NEDD4L: variants seen among roughly 807,000 people sequenced by gnomAD.
NEDD4L encodes NEDD4 like E3 ubiquitin protein ligase, also known as E3 ubiquitin-protein ligase NEDD4-like.
Under a neutral mutation model 148.9 loss-of-function variants are expected in NEDD4L, and 54 were observed. The ratio of observed to expected loss-of-function variants is 0.36; its 90% CI spans 0.29 to 0.45. The LOEUF is 0.45. NEDD4L is among the 20% of genes least tolerant of loss of function. The probability of loss-of-function intolerance (pLI) is 1.00; values close to 1 mark genes in which losing one functional copy is unlikely to be tolerated. For missense variants in NEDD4L, 856 were observed against 1,233.8 expected (o/e 0.69, Z 4.59); for synonymous variants, 433 against 440.7 (o/e 0.98, Z 0.22).
chr18:58,386,352 T>C (rs2049023474), intron 26 of NEDD4L, among the ~76,000 whole-genome samples: 1 of 152,138 alleles, frequency 6.6e-6, no homozygotes, highest in Admixed American at 6.5e-5. Flanking sequence ...CGCCCAGCCA[T>C]GGACATTTTT....
chr18:58,226,696 C>T (rs923401554), intron 2 of NEDD4L, among the ~76,000 whole-genome samples: 3 of 152,194 alleles, frequency 2.0e-5, no homozygotes, highest in African/African-American at 2.4e-5. Flanking sequence ...CTAATAGCCT[C>T]GGCTCACCAA....
At chr18:58,051,202 G>A (rs2081853785) in intron 1 of NEDD4L, among the ~76,000 whole-genome samples, 1 of 152,126 alleles carries the variant, frequency 6.6e-6, no homozygotes, top group Admixed American at 6.5e-5. Flanking sequence ...AGGCTGCAGT[G>A]AGCCATGATC....
intron 2 of NEDD4L, among the ~76,000 whole-genome samples, chr18:58,228,870 G>A (rs1039033806): frequency 3.3e-5 from 5 of 152,208 alleles, no homozygotes; most frequent in Non-Finnish European, 7.3e-5. Context: ...TCCACACTTG[G>A]AATTCTTTGC....
intron 2 of NEDD4L, among the ~76,000 whole-genome samples, chr18:58,223,195 A>G (rs1156255323): frequency 6.6e-6 from 1 of 152,210 alleles, no homozygotes; most frequent in African/African-American, 2.4e-5. Flanking sequence ...TACAGATGTT[A>G]TGCCTTAACC....
At chr18:58,206,187 G>A (rs150025991) in intron 2 of NEDD4L, among the ~76,000 whole-genome samples, 3,507 of 152,142 alleles carry the variant, frequency 0.023, 128 homozygotes, top group East Asian at 0.13. Flanking sequence ...TCAGGAGTTC[G>A]GGACCAGCCT....
intron 2 of NEDD4L, among the ~76,000 whole-genome samples, chr18:58,242,077 G>A (rs1016493597): frequency 3.3e-5 from 5 of 152,090 alleles, no homozygotes; most frequent in African/African-American, 4.8e-5. Flanking sequence ...CCCAGATCCC[G>A]TGGGACCTCC....
intron 2 of NEDD4L, among the ~76,000 whole-genome samples, chr18:58,178,471 A>G (rs1474934187): frequency 1.3e-5 from 2 of 152,384 alleles, no homozygotes; most frequent in East Asian, 3.9e-4. Context: ...CATGAAAAAT[A>G]ATGATGAATT....
chr18:58,314,880 C>A (rs1459353362), intron 5 of NEDD4L, among the ~76,000 whole-genome samples: 1 of 152,184 alleles, frequency 6.6e-6, no homozygotes. Flanking sequence ...CAATAAATCT[C>A]ATTCATATTT....
chr18:58,304,900 G>T (rs995088501), intron 5 of NEDD4L, among the ~76,000 whole-genome samples: 2 of 152,208 alleles, frequency 1.3e-5, no homozygotes, highest in African/African-American at 4.8e-5. Flanking sequence ...AATGGGATTT[G>T]TCTTTTTAGC....
intron 2 of NEDD4L, among the ~76,000 whole-genome samples, chr18:58,180,016 A>C (rs1299072949): frequency 2.0e-5 from 3 of 152,134 alleles, no homozygotes; most frequent in Admixed American, 6.5e-5. Flanking sequence ...CTCCTCAAGC[A>C]GCGTCCATAT....
At chr18:58,103,109 C>T (rs999198310) in intron 1 of NEDD4L, among the ~76,000 whole-genome samples, 5 of 151,950 alleles carry the variant, frequency 3.3e-5, no homozygotes, top group African/African-American at 1.2e-4. Flanking sequence ...GTAGAATGGA[C>T]AGGAGACTGA....
At position 58,256,813 on chromosome 18, in the gene NEDD4L, A is replaced by G. The variant is rs919260417; in HGVS notation, c.297+4759A>G. ...GTGTTTACATGTGTTTACTGATTTC[A>G]ACTTCGATGCTTACTCTGCGGCGTA... On this transcript the variant is annotated intron_variant, in intron 5 of 30. Transcript: ENST00000400345. The surrounding 1 kb of genome is among the most constrained non-coding windows in gnomAD (Gnocchi z 5.2). 3 of 1,228,372 alleles carry G rather than the reference A, an allele frequency of 2.4e-6. No individual in the cohort carries two copies. The highest frequency in any genetic ancestry group is 3.1e-5 in the African/African-American group (2 of 64,344). 76.1% of individuals were successfully genotyped at this position (1,228,372 alleles called of 1,614,324 possible).
chr18:58,299,236 G>A (rs1045371034), intron 5 of NEDD4L, among the ~76,000 whole-genome samples: 4 of 152,190 alleles, frequency 2.6e-5, no homozygotes, highest in African/African-American at 4.8e-5. Context: ...CATGATAAGC[G>A]ATTTGAGAAG....
At chr18:58,252,260 T>C (rs2048025424) in intron 5 of NEDD4L, among the ~76,000 whole-genome samples, 1 of 152,226 alleles carries the variant, frequency 6.6e-6, no homozygotes, top group South Asian at 2.1e-4. Flanking sequence ...TATTTGTATG[T>C]GTGTGTATTT....
At chr18:58,060,933 A>G (rs1022882765) in intron 1 of NEDD4L, among the ~76,000 whole-genome samples, 2 of 151,956 alleles carry the variant, frequency 1.3e-5, no homozygotes, top group Non-Finnish European at 2.9e-5. Context: ...TAATTGTTGT[A>G]TTTTTTAGTA....
intron 6 of NEDD4L, among the ~76,000 whole-genome samples, chr18:58,319,091 G>C (rs1568679794): frequency 6.6e-6 from 1 of 152,200 alleles, no homozygotes; most frequent in Non-Finnish European, 1.5e-5. Context: ...GCTGGTAGCA[G>C]GTAGCAGGCT....
At chr18:58,328,946 G>A (rs747406523) in intron 9 of NEDD4L, 49 bp from the exon 10 acceptor site, 36 of 1,611,028 alleles carry the variant, frequency 2.2e-5, no homozygotes, top group Admixed American at 3.3e-5. Context: ...TGAAGGGCCC[G>A]ATCTCAACCA....
intron 13 of NEDD4L, among the ~76,000 whole-genome samples, chr18:58,340,442 C>G (rs1225954650): frequency 6.6e-6 from 1 of 152,144 alleles, no homozygotes; most frequent in Non-Finnish European, 1.5e-5. Context: ...ACTTCCTGAG[C>G]TGGGGCACAC....
chr18:58,316,960 A>C (rs1852985623), intron 6 of NEDD4L, among the ~76,000 whole-genome samples: 1 of 36,526 alleles, frequency 2.7e-5, no homozygotes, highest in Admixed American at 2.5e-4. Flanking sequence ...TACTTTATTT[A>C]CTTTATTTAA....
Sources: gnomAD v4.1 joint callset for allele counts (sites outside exome capture counted in the v4.1 genomes callset) on GRCh38, gnomAD v4.1.1 for gene constraint, Gnocchi (gnomAD v3.1) non-coding constraint, MANE v1.5 for transcripts, NCBI Gene and HGNC (gene_info 2026-07-23, HGNC 2026-07-21) for gene names.